N4BP1: variants seen among roughly 807,000 people sequenced by gnomAD.
The protein encoded by N4BP1 is NEDD4 binding protein 1.
Under a neutral mutation model 70.9 loss-of-function variants are expected in N4BP1, and 21 were observed. The observed-to-expected ratio is 0.30, with a 90% CI of 0.21 to 0.43. The LOEUF (loss-of-function observed/expected upper bound fraction) is 0.43, where lower values mean the gene tolerates loss of function less well. Among genes scored for constraint, N4BP1 ranks in the 20% least tolerant of loss-of-function variants. The pLI is 1.00. For synonymous variants in N4BP1, 387 were observed against 394.6 expected (o/e 0.98, Z 0.23); for missense variants, 936 against 1,069.4 (o/e 0.88, Z 1.74).
At chr16:48,548,808 C>T (rs1262858917) in intron 4 of N4BP1, among the ~76,000 whole-genome samples, 2 of 149,542 alleles carry the variant, frequency 1.3e-5, no homozygotes, top group South Asian at 2.1e-4. Flanking sequence ...CCACTACATT[C>T]CAGCCTGGAC....
In N4BP1 at chr16:48,539,949, TTGG is replaced by T. The variant is rs1243409246; in HGVS notation, c.*2952_*2954del. On this transcript the variant is annotated 3_prime_UTR_variant, in exon 7 of 7. Transcript: ENST00000262384. Reference sequence around the variant, plus strand: ...AGGGCTGCTCTCAGTCCGCTTTCACTTGGTGGGCGAAAGCCACATTTGCAAACT... The same window carrying T: ...AGGGCTGCTCTCAGTCCGCTTTCACTTGGGCGAAAGCCACATTTGCAAACT... 1 of 152,326 alleles carries T rather than the reference TTGG, an allele frequency of 6.6e-6. No homozygotes were observed. The highest frequency in any genetic ancestry group is 1.5e-5 in the Non-Finnish European group (1 of 68,132). 9.4% of individuals were successfully genotyped at this position (152,326 alleles called of 1,614,324 possible). A position where few individuals can be genotyped will look rare whatever the true frequency, so the allele number is the denominator to read the frequency against.
chr16:48,609,162 C>T (rs1471125340), intron 1 of N4BP1, among the ~76,000 whole-genome samples: 1 of 152,092 alleles, frequency 6.6e-6, no homozygotes, highest in Non-Finnish European at 1.5e-5. Flanking sequence ...CTGCAGTGAA[C>T]TGAGACCGCG....
At chr16:48,597,294 A>T (rs1964428869) in intron 1 of N4BP1, among the ~76,000 whole-genome samples, 1 of 152,148 alleles carries the variant, frequency 6.6e-6, no homozygotes, top group South Asian at 2.1e-4. Context: ...ACTTCCTGAA[A>T]AACCATTACT....
At chr16:48,582,565 C>A (rs1597105762) in intron 1 of N4BP1, among the ~76,000 whole-genome samples, 1 of 152,132 alleles carries the variant, frequency 6.6e-6, no homozygotes, top group South Asian at 2.1e-4. Context: ...GATGAAAGTT[C>A]TCCACTTAAT....
chr16:48,567,244 C>G (rs547951243), intron 1 of N4BP1, among the ~76,000 whole-genome samples: 3 of 152,172 alleles, frequency 2.0e-5, no homozygotes, highest in Admixed American at 6.5e-5. Context: ...CTGCTTGCTT[C>G]CTATATTTGA....
At position 48,542,694 on chromosome 16, in the gene N4BP1, T is replaced by C. The variant is rs1282675224; in HGVS notation, c.*210A>G. 2.3e-6 allele frequency: 1 copy of C among 438,868 alleles called. No individual in the cohort carries two copies. The highest frequency in any genetic ancestry group is 4.0e-6 in the Non-Finnish European group (1 of 249,778). 27.2% of individuals were successfully genotyped at this position (438,868 alleles called of 1,614,324 possible). On this transcript the variant is annotated 3_prime_UTR_variant, in exon 7 of 7. Coordinates refer to ENST00000262384, the MANE Select transcript of N4BP1 (RefSeq NM_153029.4). ...ATGTAGACTTTCCTTTAACAGAAAA[T>C]GTTAAATCTGTAATAGCAGCATAAT...
intron 1 of N4BP1, among the ~76,000 whole-genome samples, chr16:48,595,456 C>CAAAAAAAAAAAAAAAAAAAAAA (rs373163833): frequency 1.7e-5 from 1 of 57,490 alleles, no homozygotes; most frequent in Non-Finnish European, 3.3e-5. Flanking sequence ...GACTCTGTCT[C>CAAAAAAAAAAAAAAAAAAAAAA]AAAAAAAAAA....
intron 3 of N4BP1, 98 bp downstream of exon 3, chr16:48,553,441 C>T (rs913182509): frequency 8.1e-7 from 1 of 1,237,768 alleles, no homozygotes; most frequent in African/African-American, 1.5e-5. Flanking sequence ...AAGCCGCTGC[C>T]TATGGCACAC....
intron 1 of N4BP1, chr16:48,600,534 A>G (rs545701397): frequency 2.9e-5 from 17 of 587,620 alleles, no homozygotes; most frequent in Non-Finnish European, 4.9e-5. Context: ...CAGGATATCA[A>G]ACAGGTCAAG....
At chr16:48,555,627 A>G (rs966838575) in intron 2 of N4BP1, among the ~76,000 whole-genome samples, 5 of 152,204 alleles carry the variant, frequency 3.3e-5, no homozygotes, top group Non-Finnish European at 7.3e-5. Flanking sequence ...GAAGGTAACA[A>G]AGTGACATTT....
At chr16:48,553,050 G>C (rs963092918) in intron 3 of N4BP1, among the ~76,000 whole-genome samples, 4 of 152,122 alleles carry the variant, frequency 2.6e-5, no homozygotes, top group East Asian at 1.9e-4. Context: ...CAAACAACCT[G>C]AAGTTTCTCT....
In N4BP1 at chr16:48,539,074, TGTGGCTGCAG is replaced by T. The variant is rs1963448137; in HGVS notation, c.*3820_*3829del. 1 of 152,260 alleles carries T rather than the reference TGTGGCTGCAG, an allele frequency of 6.6e-6. No homozygotes were observed. The allele number at this position is 152,260 out of a possible 1,614,324, so 9.4% of individuals were successfully genotyped here. A position where few individuals can be genotyped will look rare whatever the true frequency, so the allele number is the denominator to read the frequency against. ...CAGAGCCCACAGGTCATGGGAAACATGTGGCTGCAGGGAGAGTTTGGGGACAGTCAAGTAT... is the reference window on the plus strand; with the variant it reads ...CAGAGCCCACAGGTCATGGGAAACATGGAGAGTTTGGGGACAGTCAAGTAT... On this transcript the variant is annotated 3_prime_UTR_variant, in exon 7 of 7. Coordinates refer to ENST00000262384, the MANE Select transcript of N4BP1 (RefSeq NM_153029.4).
chr16:48,546,442 CA>C (rs1963593176), intron 5 of N4BP1, 188 bp from the exon 6 acceptor site: 2 of 400,976 alleles, frequency 5.0e-6, no homozygotes, highest in Middle Eastern at 1.2e-3. Flanking sequence ...GTTTTGGACA[CA>C]AAAACAATAG....
intron 2 of N4BP1, among the ~76,000 whole-genome samples, chr16:48,554,034 G>A (rs1247788167): frequency 6.6e-6 from 1 of 152,180 alleles, no homozygotes; most frequent in Non-Finnish European, 1.5e-5. Context: ...TGTCCCAGGA[G>A]GGCTCCACTC....
intron 1 of N4BP1, chr16:48,600,419 G>A (rs1380328290): frequency 1.5e-6 from 1 of 652,596 alleles, no homozygotes; most frequent in Non-Finnish European, 2.9e-6. Flanking sequence ...GAGAGCTATG[G>A]AATAAAACTA....
chr16:48,558,399 G>C (rs1160873563), intron 2 of N4BP1, among the ~76,000 whole-genome samples: 1 of 152,044 alleles, frequency 6.6e-6, no homozygotes, highest in East Asian at 1.9e-4. Context: ...AGGGCATTAG[G>C]AAATATGTAG....
chr16:48,605,312 G>T (rs1004600386), intron 1 of N4BP1, among the ~76,000 whole-genome samples: 1 of 152,082 alleles, frequency 6.6e-6, no homozygotes, highest in Non-Finnish European at 1.5e-5. Flanking sequence ...TTACACAGGC[G>T]TGAGCCACTG....
chr16:48,566,852 C>T (rs1271825190), intron 1 of N4BP1, among the ~76,000 whole-genome samples: 6 of 152,184 alleles, frequency 3.9e-5, no homozygotes, highest in African/African-American at 1.4e-4. Context: ...CCTTTCAGTT[C>T]TGCCAGTTTT....
intron 1 of N4BP1, among the ~76,000 whole-genome samples, chr16:48,600,819 T>C (rs1964484890): frequency 6.6e-6 from 1 of 152,246 alleles, no homozygotes; most frequent in African/African-American, 2.4e-5. Context: ...TTAGATTGCA[T>C]CTCAGTGTTA....
Sources: gnomAD v4.1 joint callset for allele counts (sites outside exome capture counted in the v4.1 genomes callset) on GRCh38, gnomAD v4.1.1 for gene constraint, MANE v1.5 for transcripts, NCBI Gene and HGNC (gene_info 2026-07-23, HGNC 2026-07-21) for gene names.